The following GULP1 variants were observed in gnomAD, a reference collection of about 807,000 sequenced individuals.
GULP1 encodes PTB domain-containing engulfment adapter protein 1.
Under a neutral mutation model 40.9 loss-of-function variants are expected in GULP1, and 19 were observed. The ratio of observed to expected loss-of-function variants is 0.46; its 90% CI spans 0.32 to 0.68. The LOEUF is 0.68. Among genes scored for constraint, GULP1 ranks in the 30% least tolerant of loss-of-function variants. The pLI, the probability that GULP1 is intolerant of heterozygous loss-of-function variation, is 0.03. For synonymous variants in GULP1, 119 were observed against 117.6 expected, an observed-to-expected ratio of 1.01 and a Z score of -0.08; for missense variants, 312 against 362.2, an observed-to-expected ratio of 0.86 and a Z score of 1.12.
intron 6 of GULP1, among the ~76,000 whole-genome samples, chr2:188,529,796 C>G (rs1291042325): frequency 6.6e-6 from 1 of 152,106 alleles, no homozygotes; most frequent in Non-Finnish European, 1.5e-5. Context: ...GGACACTCAT[C>G]AAATTGGATT....
At chr2:188,442,681 C>T (rs570957964) in intron 2 of GULP1, among the ~76,000 whole-genome samples, 2 of 152,296 alleles carry the variant, frequency 1.3e-5, no homozygotes, top group South Asian at 4.1e-4. Context: ...TCTGTTTCCT[C>T]ATCTGTAAAA....
At chr2:188,578,587 C>T (rs1480581078) in intron 9 of GULP1, among the ~76,000 whole-genome samples, 1 of 151,480 alleles carries the variant, frequency 6.6e-6, no homozygotes, top group East Asian at 1.9e-4. Flanking sequence ...CAACAAATCT[C>T]AAACATGGAC....
chr2:188,342,659 C>T (rs1337718045), intron 1 of GULP1, among the ~76,000 whole-genome samples: 1 of 152,110 alleles, frequency 6.6e-6, no homozygotes, highest in African/African-American at 2.4e-5. Flanking sequence ...CATCTCAATT[C>T]ACAGATTACT....
rs563993601 is a variant in GULP1, at chr2:188,367,388, A to G, written c.-171-16375A>G. On this transcript the variant is annotated intron_variant, in intron 1 of 11. Transcript: ENST00000409830. ...GCAGCTTGATGTCCAAGGTTTCCCA[A>G]GACTACCTCCAGGTGCTTTGGAGGA... Among the ~76,000 whole-genome samples, 46 of 152,284 alleles carry G rather than the reference A, an allele frequency of 3.0e-4. No homozygotes were observed. In the South Asian group the frequency reaches 4.6e-3, roughly 15 times the overall value.
At chr2:188,294,935 T>C (rs925051290) in intron 1 of GULP1, among the ~76,000 whole-genome samples, 4 of 152,246 alleles carry the variant, frequency 2.6e-5, no homozygotes, top group Admixed American at 6.5e-5. Context: ...TATCTGGATC[T>C]AATTTATAAA....
intron 2 of GULP1, among the ~76,000 whole-genome samples, chr2:188,465,176 G>A (rs1242697114): frequency 6.6e-6 from 1 of 152,028 alleles, no homozygotes; most frequent in East Asian, 1.9e-4. Context: ...GTAGTACCTG[G>A]GTATTGCTTC....
rs2004889 is a variant in GULP1 at position 188,291,968 on chromosome 2, G to A, written c.-370G>A. On this transcript the variant is annotated 5_prime_UTR_variant, in exon 1 of 12. Transcript: ENST00000409830. ...TCGGCGGATTAGGAAGAGGAGGGAGGGGGGAGAGAGCGCGAAGAGGGAGGG... is the reference window on the plus strand; with the variant it reads ...TCGGCGGATTAGGAAGAGGAGGGAGAGGGGAGAGAGCGCGAAGAGGGAGGG... 2 of 151,748 alleles carry A rather than the reference G, an allele frequency of 1.3e-5. No homozygotes were observed. The highest frequency in any genetic ancestry group is 6.6e-5 in the Admixed American group (1 of 15,262). 9.4% of individuals were successfully genotyped at this position (151,748 alleles called of 1,614,324 possible).
At chr2:188,414,627 C>T (rs1466566961) in intron 2 of GULP1, among the ~76,000 whole-genome samples, 1 of 152,166 alleles carries the variant, frequency 6.6e-6, no homozygotes, top group African/African-American at 2.4e-5. Flanking sequence ...GTGTCAGTAG[C>T]TTGGCAATTC....
intron 4 of GULP1, among the ~76,000 whole-genome samples, chr2:188,517,735 G>A (rs2065327700): frequency 6.6e-6 from 1 of 151,860 alleles, no homozygotes; most frequent in South Asian, 2.1e-4. Context: ...TTTTCCTCAG[G>A]GAAAAATTCT....
At chr2:188,584,424 A>G (rs900915787) in intron 10 of GULP1, 21 bp downstream of exon 10, 3 of 1,492,324 alleles carry the variant, frequency 2.0e-6, no homozygotes, top group South Asian at 1.3e-5. Context: ...TCAACAAATC[A>G]AAGTTTCTTG....
At chr2:188,425,919 GC>G (rs2056135603) in intron 2 of GULP1, among the ~76,000 whole-genome samples, 1 of 152,022 alleles carries the variant, frequency 6.6e-6, no homozygotes. Context: ...GTCAGAAATT[GC>G]CCTTTTTAAT....
intron 1 of GULP1, among the ~76,000 whole-genome samples, chr2:188,367,792 G>T (rs888699827): frequency 6.6e-6 from 1 of 152,124 alleles, no homozygotes; most frequent in Non-Finnish European, 1.5e-5. Flanking sequence ...TCACTGTCCT[G>T]CAACCTGTCA....
chr2:188,427,230 G>A (rs767878166), intron 2 of GULP1, among the ~76,000 whole-genome samples: 1 of 152,202 alleles, frequency 6.6e-6, no homozygotes, highest in African/African-American at 2.4e-5. Flanking sequence ...GGGAAGCAGA[G>A]CTTAATGTCT....
intron 2 of GULP1, among the ~76,000 whole-genome samples, chr2:188,403,142 G>A (rs1437167453): frequency 6.6e-6 from 1 of 152,038 alleles, no homozygotes; most frequent in African/African-American, 2.4e-5. Context: ...CTCTATGCTA[G>A]ACATATTACA....
At chr2:188,520,298 G>C (rs992773170) in intron 4 of GULP1, among the ~76,000 whole-genome samples, 1 of 152,070 alleles carries the variant, frequency 6.6e-6, no homozygotes, top group Non-Finnish European at 1.5e-5. Flanking sequence ...AGCACTTTGC[G>C]GGGCTGAGGT....
intron 2 of GULP1, among the ~76,000 whole-genome samples, chr2:188,411,130 T>C (rs1435596093): frequency 1.3e-5 from 2 of 152,190 alleles, no homozygotes; most frequent in Non-Finnish European, 2.9e-5. Flanking sequence ...GATCGGGGCA[T>C]GGCTGTGACT....
chr2:188,502,145 G>A (rs2153159166), intron 4 of GULP1, among the ~76,000 whole-genome samples: 1 of 151,906 alleles, frequency 6.6e-6, no homozygotes, highest in Non-Finnish European at 1.5e-5. Context: ...GGCAATTGAG[G>A]AGGAAGGATA....
At chr2:188,460,832 CCA>C (rs1559266980) in intron 2 of GULP1, among the ~76,000 whole-genome samples, 1 of 151,964 alleles carries the variant, frequency 6.6e-6, no homozygotes, top group Non-Finnish European at 1.5e-5. Flanking sequence ...CTTTCTATAC[CCA>C]GTTTTTGAGG....
At chr2:188,391,642 C>T (rs925650445) in intron 2 of GULP1, among the ~76,000 whole-genome samples, 1 of 151,968 alleles carries the variant, frequency 6.6e-6, no homozygotes, top group African/African-American at 2.4e-5. Context: ...ACTTCCAGTA[C>T]TATATTGAAT....
Sources: allele counts gnomAD v4.1 joint callset (sites outside exome capture counted in the v4.1 genomes callset), GRCh38; gene constraint gnomAD v4.1.1; transcripts MANE v1.5; gene names NCBI Gene and HGNC (gene_info 2026-07-23, HGNC 2026-07-21).